The following ABCC4 variants were observed in gnomAD, a reference collection of about 807,000 sequenced individuals.
ABCC4 encodes the protein ATP binding cassette subfamily C member 4 (PEL blood group).
In ABCC4, 102 loss-of-function variants were observed where a neutral mutation model predicts 168.5. That is an observed-to-expected ratio of 0.61 (90% CI 0.52 to 0.71). The LOEUF is 0.71. Among genes scored for constraint, ABCC4 ranks in the 30% least tolerant of loss-of-function variants. ABCC4 has a pLI of 0.00. For synonymous variants in ABCC4, 617 were observed against 590.7 expected, an observed-to-expected ratio of 1.04 and a Z score of -0.65; for missense variants, 1,402 against 1,605.8, an observed-to-expected ratio of 0.87 and a Z score of 2.17.
chr13:95,058,723 C>T (rs1383880309), intron 26 of ABCC4, among the ~76,000 whole-genome samples: 1 of 152,202 alleles, frequency 6.6e-6, no homozygotes, highest in South Asian at 2.1e-4. Context: ...TACTTATTAG[C>T]TGTTCATCTC....
chr13:95,098,906 A>G (rs1039202104), intron 20 of ABCC4, among the ~76,000 whole-genome samples: 3 of 152,198 alleles, frequency 2.0e-5, no homozygotes, highest in African/African-American at 4.8e-5. Flanking sequence ...AGCAACTAGA[A>G]TGCTCATATA....
chr13:95,270,137 C>A (rs1399815426), intron 1 of ABCC4, among the ~76,000 whole-genome samples: 2 of 152,014 alleles, frequency 1.3e-5, no homozygotes, highest in Non-Finnish European at 2.9e-5. Context: ...ATTTGATAGG[C>A]ATTAGGTTTT....
chr13:95,200,872 C>T (rs559826941), intron 8 of ABCC4, among the ~76,000 whole-genome samples: 35 of 152,184 alleles, frequency 2.3e-4, no homozygotes, highest in South Asian at 1.2e-3. Context: ...AGGAACCATC[C>T]AGGTTGAAAA....
chr13:95,025,183 ACACACCCACACCACACACCC>A (rs2031352385), intron 30 of ABCC4, among the ~76,000 whole-genome samples: 2 of 135,026 alleles, frequency 1.5e-5, no homozygotes, highest in African/African-American at 5.8e-5. Context: ...ACACACCCAC[ACACACCCACACCACACACCC>A]CCACACCCCC....
chr13:95,144,447 GC>G (rs1395202755), intron 19 of ABCC4, among the ~76,000 whole-genome samples: 2 of 152,002 alleles, frequency 1.3e-5, no homozygotes, highest in African/African-American at 4.8e-5. Flanking sequence ...ATAGGAAAAA[GC>G]AAGTCAAACT....
Position 95,077,086 on chromosome 13 carries a change from G to A in ABCC4, c.2687-1535C>T, listed in dbSNP as rs78934703. Among the ~76,000 whole-genome samples the A allele has an allele frequency of 1.3e-3, 192 of 152,274 alleles. 2 individuals carry two copies. The East Asian group carries it at 0.021, about 17-fold the overall frequency. ...ACATACCTCCCTCCTGCATAGCAGC[G>A]GACATGAGGGCTAGCTACTTTTGGG... On this transcript the variant is annotated intron_variant, in intron 21 of 30. Coordinates refer to ENST00000645237, the MANE Select transcript of ABCC4 (RefSeq NM_005845.5).
intron 19 of ABCC4, among the ~76,000 whole-genome samples, chr13:95,142,576 A>G (rs1448855226): frequency 1.3e-5 from 2 of 151,606 alleles, no homozygotes; most frequent in Non-Finnish European, 3.0e-5. Context: ...CCAATAGCCT[A>G]TGGAAATAAA....
chr13:95,271,262 G>A (rs546556418), intron 1 of ABCC4, among the ~76,000 whole-genome samples: 1 of 152,230 alleles, frequency 6.6e-6, no homozygotes, highest in South Asian at 2.1e-4. Flanking sequence ...AGCTGCCGAC[G>A]GATTACATTA....
chr13:95,135,282 T>A (rs568134073), intron 19 of ABCC4, among the ~76,000 whole-genome samples: 35 of 152,290 alleles, frequency 2.3e-4, no homozygotes, highest in Middle Eastern at 3.4e-3. Context: ...AATAATGATA[T>A]CAAAATCAGA....
intron 25 of ABCC4, among the ~76,000 whole-genome samples, chr13:95,071,365 A>C (rs909225396): frequency 6.6e-6 from 1 of 152,222 alleles, no homozygotes; most frequent in African/African-American, 2.4e-5. Context: ...AATTAGACAT[A>C]GGAGTGTTGG....
chr13:95,132,504 A>G (rs1594152918), intron 19 of ABCC4, among the ~76,000 whole-genome samples: 2 of 152,318 alleles, frequency 1.3e-5, no homozygotes, highest in Admixed American at 1.3e-4. Context: ...AGTGTAAGCC[A>G]CCGCGCCTGG....
chr13:95,278,936 A>T (rs2041043743), intron 1 of ABCC4, among the ~76,000 whole-genome samples: 1 of 150,892 alleles, frequency 6.6e-6, no homozygotes, highest in Non-Finnish European at 1.5e-5. Context: ...CAGAGACCGG[A>T]GTGGGAGAGA....
At chr13:95,156,804 G>A (rs1387540076) in intron 19 of ABCC4, among the ~76,000 whole-genome samples, 5 of 152,078 alleles carry the variant, frequency 3.3e-5, no homozygotes, top group South Asian at 2.1e-4. Context: ...AAGGAAAACC[G>A]GCTCTTGGCA....
chr13:95,029,182 A>C (rs71432033), intron 30 of ABCC4, among the ~76,000 whole-genome samples: 21,587 of 66,398 alleles, frequency 0.33, 2,461 homozygotes, highest in South Asian at 0.36. Context: ...ATATATATAT[A>C]TATATATATA....
intron 19 of ABCC4, among the ~76,000 whole-genome samples, chr13:95,151,667 A>G (rs892816883): frequency 6.6e-6 from 1 of 151,980 alleles, no homozygotes; most frequent in Non-Finnish European, 1.5e-5. Flanking sequence ...AATCATCATC[A>G]TCATCATCCA....
intron 19 of ABCC4, among the ~76,000 whole-genome samples, chr13:95,133,293 C>T (rs1385085068): frequency 6.6e-6 from 1 of 151,256 alleles, no homozygotes. Context: ...TTTGTATTTT[C>T]AGTATAGATG....
chr13:95,136,454 C>A (rs2036148200), intron 19 of ABCC4, among the ~76,000 whole-genome samples: 2 of 152,198 alleles, frequency 1.3e-5, no homozygotes, highest in Admixed American at 1.3e-4. Flanking sequence ...CGTACCCGGC[C>A]AGATCTCAAC....
At chr13:95,032,749 C>T (rs1046322828) in intron 30 of ABCC4, among the ~76,000 whole-genome samples, 3 of 151,948 alleles carry the variant, frequency 2.0e-5, no homozygotes, top group South Asian at 2.1e-4. Flanking sequence ...CTGCAACCTC[C>T]GCCTCCCAGG....
chr13:95,187,937 G>GA (rs1381610714), intron 10 of ABCC4, among the ~76,000 whole-genome samples: 5 of 152,292 alleles, frequency 3.3e-5, no homozygotes, highest in African/African-American at 1.2e-4. Flanking sequence ...CCAGATACCA[G>GA]AAACTTCTGG....
Sources: allele counts gnomAD v4.1 joint callset (sites outside exome capture counted in the v4.1 genomes callset), GRCh38; gene constraint gnomAD v4.1.1; transcripts MANE v1.5; gene names NCBI Gene and HGNC (gene_info 2026-07-23, HGNC 2026-07-21).